Variants in NDUFB5 observed in about 807,000 individuals in gnomAD.
The protein encoded by NDUFB5 is NADH dehydrogenase [ubiquinone] 1 beta subcomplex subunit 5, mitochondrial.
In NDUFB5, 19 loss-of-function variants were observed where a neutral mutation model predicts 19.4. The ratio of observed to expected loss-of-function variants is 0.98; its 90% CI spans 0.68 to 1.43. The LOEUF (loss-of-function observed/expected upper bound fraction) is 1.43, where lower values mean the gene tolerates loss of function less well. Ranked by LOEUF, NDUFB5 falls within the 40% of genes most tolerant of loss-of-function variation. The pLI, the probability that NDUFB5 is intolerant of heterozygous loss-of-function variation, is 0.00. For synonymous variants in NDUFB5, 80 were observed against 82.6 expected, an observed-to-expected ratio of 0.97 and a Z score of 0.17; for missense variants, 233 against 236.5, an observed-to-expected ratio of 0.99 and a Z score of 0.10.
At chr3:179,617,973 A>C (rs1474654392) in intron 4 of NDUFB5, among the ~76,000 whole-genome samples, 1 of 152,228 alleles carries the variant, frequency 6.6e-6, no homozygotes, top group Non-Finnish European at 1.5e-5. Context: ...TTATTATCTG[A>C]ATGAATTATA....
chr3:179,623,089 G>A (rs549607197), intron 5 of NDUFB5, among the ~76,000 whole-genome samples: 3 of 152,248 alleles, frequency 2.0e-5, no homozygotes, highest in African/African-American at 7.2e-5. Context: ...GACCGGGCCT[G>A]GTATAATGCT....
intron 5 of NDUFB5, among the ~76,000 whole-genome samples, chr3:179,620,415 T>C (rs1180091330): frequency 1.3e-5 from 2 of 152,134 alleles, no homozygotes; most frequent in Non-Finnish European, 2.9e-5. Flanking sequence ...TTTCTACATA[T>C]GGCTAGCCAG....
intron 5 of NDUFB5, among the ~76,000 whole-genome samples, chr3:179,622,662 TATACTC>T (rs1444776349): frequency 4.6e-5 from 7 of 152,198 alleles, no homozygotes; most frequent in Admixed American, 6.5e-5. Context: ...TTTGGATAGT[TATACTC>T]TAAAGAGTAG....
At chr3:179,617,442 TAG>T (rs749100606) in intron 4 of NDUFB5, 3 of 152,816 alleles carry the variant, frequency 2.0e-5, no homozygotes, top group Non-Finnish European at 4.4e-5. Flanking sequence ...CCAGCCATGA[TAG>T]AGTTTTATAT....
chr3:179,608,501 G>A (rs1719161364), intron 1 of NDUFB5, among the ~76,000 whole-genome samples: 1 of 152,032 alleles, frequency 6.6e-6, no homozygotes. Flanking sequence ...CCAGAAGAGA[G>A]TTTTTATTCC....
chr3:179,617,026 A>G lies in NDUFB5; in HGVS notation c.324A>G (p.Glu108=). Residue 108 remains glutamate (E), a synonymous_variant, in exon 4 of 6, where the codon GAA becomes GAG. Coordinates refer to ENST00000259037, the MANE Select transcript of NDUFB5 (RefSeq NM_002492.4). The stretch of plus-strand genomic sequence containing the variant: ...AAATTCCAGAAGGCTATGTCCCAGA[A>G]CACTGGGAATATTATAAGGTTTGTA... ...LAEIPEGYVP[E]HWEYYKHPIS... 1.9e-6 allele frequency: 3 copies of G among 1,611,044 alleles called. 1 individual carries two copies. In the South Asian group the frequency reaches 3.3e-5, roughly 18 times the overall value.
At chr3:179,615,943 T>A (rs763760182) in intron 2 of NDUFB5, 40 bp from the exon 3 acceptor site, 1 of 1,451,136 alleles carries the variant, frequency 6.9e-7, no homozygotes, top group East Asian at 2.3e-5. Context: ...TGGGGAGAGT[T>A]ACGAAATGGT....
At position 179,626,756 on chromosome 3, in the gene NDUFB5, C is replaced by T. The variant is rs915655431; in HGVS notation, c.*2716C>T. On this transcript the variant is annotated 3_prime_UTR_variant, in exon 6 of 6. Coordinates refer to ENST00000259037, the MANE Select transcript of NDUFB5 (RefSeq NM_002492.4). ...CCATGTTGGCCAGGGTGATCTTGAA[C>T]TTCTGACCTTGTGATCCACCCACCT... is the stretch of plus-strand genomic sequence containing the variant. 6.6e-6 allele frequency: 1 copy of T among 152,230 alleles called. No homozygotes were observed. The highest frequency in any genetic ancestry group is 2.1e-4 in the South Asian group (1 of 4,832). 9.4% of individuals were successfully genotyped at this position (152,230 alleles called of 1,614,324 possible). A position where few individuals can be genotyped will look rare whatever the true frequency, so the allele number is the denominator to read the frequency against.
chr3:179,623,692 A>G (rs575608327), intron 5 of NDUFB5, among the ~76,000 whole-genome samples: 87 of 152,284 alleles, frequency 5.7e-4, no homozygotes, highest in Admixed American at 1.0e-3. Context: ...AAAAACAACA[A>G]AAAAACTGTT....
intron 5 of NDUFB5, among the ~76,000 whole-genome samples, chr3:179,621,871 T>G (rs903875380): frequency 1.3e-5 from 2 of 152,228 alleles, no homozygotes; most frequent in Non-Finnish European, 2.9e-5. Flanking sequence ...TTTGACAGTC[T>G]TTAGCTTTTG....
chr3:179,607,816 A>T (rs1320080268), intron 1 of NDUFB5: 1 of 702,624 alleles, frequency 1.4e-6, no homozygotes, highest in South Asian at 1.5e-5. Flanking sequence ...TTCTCATGTA[A>T]GTAGAATCAT....
chr3:179,611,986 A>T (rs1194626666), intron 1 of NDUFB5, among the ~76,000 whole-genome samples: 1 of 149,502 alleles, frequency 6.7e-6, no homozygotes, highest in Non-Finnish European at 1.5e-5. Flanking sequence ...TAATAATTTA[A>T]TTTTTTTTTG....
At position 179,615,986 on chromosome 3, in the gene NDUFB5, T is replaced by C. The variant is rs777997198; in HGVS notation, c.217T>C (p.Phe73Leu). The part of the protein sequence containing the change: ...YDRRFLKLLR[F>L]YIALTGIPVA... The stretch of plus-strand genomic sequence containing the variant: ...AACACTTTTTTTTTTATCTTAGAGA[T>C]TCTACATTGCATTGACTGGGATTCC... Residue 73 changes from phenylalanine to leucine, a missense_variant, in exon 3 of 6, where the codon TTC becomes CTC. Physicochemically the swap from Phe to Leu is conservative, Grantham distance 22. Transcript: ENST00000259037. The C allele has an allele frequency of 6.2e-7, 1 of 1,611,438 alleles. No individual in the cohort carries two copies. Among genetic ancestry groups the C allele is most frequent in the Non-Finnish European group, 8.5e-7 (1 of 1,178,042 alleles).
At chr3:179,620,513 GCGGCATTATTTC>G (rs1395931234) in intron 5 of NDUFB5, among the ~76,000 whole-genome samples, 1 of 152,142 alleles carries the variant, frequency 6.6e-6, no homozygotes, top group African/African-American at 2.4e-5. Context: ...TTGTAGATAT[GCGGCATTATTTC>G]TGAGGGCTCT....
At chr3:179,616,114 A>G in intron 3 of NDUFB5, 65 bp downstream of exon 3, 1 of 1,141,126 alleles carries the variant, frequency 8.8e-7, no homozygotes, top group Non-Finnish European at 1.3e-6. Flanking sequence ...TATGTACATT[A>G]ATATAAAAAA....
chr3:179,614,479 G>T (rs754605366), intron 1 of NDUFB5, among the ~76,000 whole-genome samples: 1 of 152,110 alleles, frequency 6.6e-6, no homozygotes, highest in African/African-American at 2.4e-5. Context: ...TGGCATAATG[G>T]AATAATTTAA....
rs1413533730 is a variant in NDUFB5, at chr3:179,626,190, T to C, written c.*2150T>C. The C allele has an allele frequency of 6.6e-6, 1 of 152,220 alleles. No individual in the cohort carries two copies. 9.4% of individuals were successfully genotyped at this position (152,220 alleles called of 1,614,324 possible). A position where few individuals can be genotyped will look rare whatever the true frequency, so the allele number is the denominator to read the frequency against. On this transcript the variant is annotated 3_prime_UTR_variant, in exon 6 of 6. Transcript: ENST00000259037. Reference sequence around the variant, plus strand: ...ATTTCCCTAATTATGGTTGAGCATTTTTTCACATATCTAATGGCCATTCAT... The same window carrying C: ...ATTTCCCTAATTATGGTTGAGCATTCTTTCACATATCTAATGGCCATTCAT...
At position 179,604,858 on chromosome 3, in the gene NDUFB5, G is replaced by A. The variant is rs1719032958; in HGVS notation, c.43G>A (p.Val15Met). Reference sequence around the variant, plus strand: ...GTTGCGGCGGGTTTCGGTTACTGCGGTGGCAGCTCTGTCTGGCCGGCCCCT... The same window carrying A: ...GTTGCGGCGGGTTTCGGTTACTGCGATGGCAGCTCTGTCTGGCCGGCCCCT... ...SLLRRVSVTA[V>M]AALSGRPLGT... Residue 15 changes from valine (V) to methionine (M), a missense_variant, in exon 1 of 6, where the codon GTG becomes ATG. Transcript: ENST00000259037. The A allele has an allele frequency of 6.2e-7, 1 of 1,602,892 alleles. No homozygotes were observed. The highest frequency in any genetic ancestry group is 8.5e-7 in the Non-Finnish European group (1 of 1,177,214).
chr3:179,623,461 G>A (rs1719586603), intron 5 of NDUFB5, among the ~76,000 whole-genome samples: 1 of 152,184 alleles, frequency 6.6e-6, no homozygotes, highest in South Asian at 2.1e-4. Context: ...TCACGACGAG[G>A]TCAGGAGTTA....
Sources: allele counts gnomAD v4.1 joint callset (sites outside exome capture counted in the v4.1 genomes callset), GRCh38; gene constraint gnomAD v4.1.1; transcripts MANE v1.5; gene names NCBI Gene and HGNC (gene_info 2026-07-23, HGNC 2026-07-21).